The following FAAH2 variants were observed in gnomAD, a reference collection of about 807,000 sequenced individuals.
FAAH2 encodes the protein fatty acid amide hydrolase 2.
A neutral mutation model predicts 36.9 loss-of-function variants in FAAH2; 60 were observed. That is an observed-to-expected ratio of 1.63 (90% CI 1.32 to 2.02). FAAH2 has a LOEUF of 2.02. FAAH2 is among the 30% of genes most tolerant of loss of function. The pLI, the probability that FAAH2 is intolerant of heterozygous loss-of-function variation, is 0.00. For missense variants in FAAH2, 689 were observed against 397.5 expected (o/e 1.73, Z -6.23); for synonymous variants, 214 against 143.8 (o/e 1.49, Z -3.49).
chrX:57,243,809 T>C, the FAAH2 span, among the ~76,000 whole-genome samples: 1 of 110,567 alleles, frequency 9.0e-6, no homozygotes, highest in African/African-American at 3.3e-5. Context: ...GAAAAAAGGC[T>C]GAAAATTGCA....
At chrX:57,343,147 G>T (rs2053731933) in intron 5 of FAAH2, among the ~76,000 whole-genome samples, 1 of 111,580 alleles carries the variant, frequency 9.0e-6, no homozygotes, top group Non-Finnish European at 1.9e-5. Context: ...ATCTGGTAAT[G>T]GGATCACTGG....
In FAAH2 at chrX:57,447,010, G is replaced by T; in HGVS notation, c.1199G>T (p.Gly400Val). 1.7e-6 allele frequency: 2 copies of T among 1,204,926 alleles called. No individual in the cohort carries two copies. Among genetic ancestry groups the T allele is most frequent in the South Asian group, 1.8e-5 (1 of 56,312 alleles). ...PLWELIKWCL[G>V]LSVYTIPSIG... ...TGGGAGTTGATCAAATGGTGCCTGGGTCTGTCAGTGTACACCATCCCTTCC... is the reference window on the plus strand; with the variant it reads ...TGGGAGTTGATCAAATGGTGCCTGGTTCTGTCAGTGTACACCATCCCTTCC... The change falls in exon 9 of 11, where the codon GGT (glycine) becomes GTT (valine). Residue 400 changes from glycine (G) to valine (V), a missense_variant. Transcript: ENST00000374900.
chrX:57,145,256 G>T, the FAAH2 span, among the ~76,000 whole-genome samples: 2 of 107,896 alleles, frequency 1.9e-5, no homozygotes, highest in African/African-American at 7.1e-5. Flanking sequence ...ATTCTTTTGG[G>T]GGGGGGTAAG....
chrX:57,279,301 A>G, the FAAH2 span, among the ~76,000 whole-genome samples: 1 of 112,558 alleles, frequency 8.9e-6, no homozygotes, highest in African/African-American at 3.2e-5. Flanking sequence ...TGTCCTTTGC[A>G]GGGACATGGA....
chrX:57,334,192 C>T (rs1422156616), intron 4 of FAAH2, among the ~76,000 whole-genome samples: 1 of 107,772 alleles, frequency 9.3e-6, no homozygotes, highest in Non-Finnish European at 1.9e-5. Flanking sequence ...ATTGCTTGAA[C>T]TCGAGAGGTG....
At chrX:57,276,593 T>C in the FAAH2 span, among the ~76,000 whole-genome samples, 5 of 109,858 alleles carry the variant, frequency 4.6e-5, no homozygotes, top group Non-Finnish European at 9.5e-5. Context: ...CTGAAGGAAA[T>C]AGAGACACAA....
rs182538649 is a variant in FAAH2 at position 57,380,319 on chromosome X, C to G, written c.879-593C>G. Among the ~76,000 whole-genome samples the G allele has an allele frequency of 1.9e-4, 21 of 111,572 alleles. No homozygotes were observed. In the East Asian group the frequency reaches 4.8e-3, roughly 26 times the overall value. Reference sequence around the variant, plus strand: ...ACACAGATGATGCCAAAATCTGCCTCTTCAGCTCACTTTTTTCACTTAAGC... The same window carrying G: ...ACACAGATGATGCCAAAATCTGCCTGTTCAGCTCACTTTTTTCACTTAAGC... On this transcript the variant is annotated intron_variant, in intron 6 of 10. Coordinates refer to ENST00000374900, the MANE Select transcript of FAAH2 (RefSeq NM_174912.4).
chrX:57,463,600 A>T (rs891019506), intron 10 of FAAH2, among the ~76,000 whole-genome samples: 8 of 111,491 alleles, frequency 7.2e-5, no homozygotes, highest in Non-Finnish European at 1.3e-4. Context: ...AAAACTGGCT[A>T]AACAGACACT....
chrX:57,375,353 C>CA (rs778175129), intron 5 of FAAH2, among the ~76,000 whole-genome samples: 5 of 65,259 alleles, frequency 7.7e-5, no homozygotes, highest in Admixed American at 5.6e-4. Flanking sequence ...TGGTACTGCA[C>CA]TTTTTTTTTT....
chrX:57,440,800 T>C (rs1159511864), intron 8 of FAAH2, among the ~76,000 whole-genome samples: 1 of 111,822 alleles, frequency 8.9e-6, no homozygotes, highest in Non-Finnish European at 1.9e-5. Flanking sequence ...TATGGAGGGT[T>C]TTTAGCATGA....
At chrX:57,169,893 C>CAT in the FAAH2 span, among the ~76,000 whole-genome samples, 70 of 108,621 alleles carry the variant, frequency 6.4e-4, no homozygotes, top group African/African-American at 2.1e-3. Flanking sequence ...CACACACACA[C>CAT]AAACACACAC....
chrX:57,300,482 G>T (rs1200568137), intron 2 of FAAH2, among the ~76,000 whole-genome samples: 1 of 112,087 alleles, frequency 8.9e-6, no homozygotes, highest in Non-Finnish European at 1.9e-5. Flanking sequence ...AGACTTACAT[G>T]TCAGACCTAA....
the FAAH2 span, among the ~76,000 whole-genome samples, chrX:57,172,713 G>A: frequency 9.2e-4 from 103 of 111,786 alleles, no homozygotes; most frequent in East Asian, 0.027. Context: ...CCTAGAGTCA[G>A]GCCAGTCAGT....
chrX:57,462,673 C>T (rs1377389211), intron 10 of FAAH2, among the ~76,000 whole-genome samples: 3 of 112,386 alleles, frequency 2.7e-5, no homozygotes, highest in African/African-American at 9.7e-5. Flanking sequence ...ATAATAAGCA[C>T]TATTTATGAT....
At chrX:57,422,691 G>A (rs2056067051) in intron 7 of FAAH2, among the ~76,000 whole-genome samples, 1 of 111,517 alleles carries the variant, frequency 9.0e-6, no homozygotes, top group African/African-American at 3.3e-5. Context: ...AGGTGTCTAT[G>A]CCATTGCCTC....
At chrX:57,441,692 T>A (rs769980102) in intron 8 of FAAH2, among the ~76,000 whole-genome samples, 1 of 111,212 alleles carries the variant, frequency 9.0e-6, no homozygotes, top group South Asian at 3.9e-4. Context: ...TTCTTTTAAT[T>A]GTGATATTAG....
chrX:57,352,855 A>T (rs2054061068), intron 5 of FAAH2, among the ~76,000 whole-genome samples: 1 of 111,038 alleles, frequency 9.0e-6, no homozygotes, highest in Non-Finnish European at 1.9e-5. Flanking sequence ...CATTTATGAT[A>T]GTTACAAAAA....
intron 2 of FAAH2, among the ~76,000 whole-genome samples, chrX:57,299,579 C>T (rs1187183074): frequency 8.9e-6 from 1 of 111,856 alleles, no homozygotes; most frequent in African/African-American, 3.3e-5. Flanking sequence ...CACTCCTATT[C>T]AACATAGTGT....
At chrX:57,361,748 G>T (rs1401774224) in intron 5 of FAAH2, among the ~76,000 whole-genome samples, 2 of 111,643 alleles carry the variant, frequency 1.8e-5, no homozygotes, top group African/African-American at 3.2e-5. Context: ...TGAGAAGGTT[G>T]TGTATTTTGC....
Sources: gnomAD v4.1 joint callset for allele counts (sites outside exome capture counted in the v4.1 genomes callset) on GRCh38, gnomAD v4.1.1 for gene constraint, MANE v1.5 for transcripts, NCBI Gene and HGNC (gene_info 2026-07-23, HGNC 2026-07-21) for gene names.